ITK: variants seen among roughly 807,000 people sequenced by gnomAD.
The protein encoded by ITK is IL2 inducible T cell kinase, also known as tyrosine-protein kinase ITK/TSK.
Under a neutral mutation model 87.6 loss-of-function variants are expected in ITK, and 45 were observed. The observed-to-expected ratio is 0.51, with a 90% CI of 0.40 to 0.66. The LOEUF (loss-of-function observed/expected upper bound fraction) is 0.66. Among genes scored for constraint, ITK ranks in the 30% least tolerant of loss-of-function variants. The probability of loss-of-function intolerance (pLI) is 0.00; values close to 1 mark genes in which losing one functional copy is unlikely to be tolerated. For missense variants in ITK, 605 were observed against 766.3 expected (o/e 0.79, Z 2.48); for synonymous variants, 303 against 273.6 (o/e 1.11, Z -1.06).
At chr5:157,235,842 A>G (rs546101454) in intron 8 of ITK, among the ~76,000 whole-genome samples, 2 of 152,370 alleles carry the variant, frequency 1.3e-5, no homozygotes, top group East Asian at 3.9e-4. Context: ...GAAAGAAAGA[A>G]AAATACTCCT....
chr5:157,188,999 T>C (rs1030481904), intron 1 of ITK, among the ~76,000 whole-genome samples: 34 of 152,168 alleles, frequency 2.2e-4, no homozygotes, highest in African/African-American at 8.0e-4. Flanking sequence ...AGGTGATCAG[T>C]AAATATCCGG....
At chr5:157,197,136 T>C (rs183444159) in intron 1 of ITK, among the ~76,000 whole-genome samples, 92 of 152,314 alleles carry the variant, frequency 6.0e-4, no homozygotes, top group African/African-American at 2.0e-3. Flanking sequence ...ATAAGATAAA[T>C]ATACCCATAT....
At chr5:157,194,015 C>G (rs151180305) in intron 1 of ITK, among the ~76,000 whole-genome samples, 1 of 152,212 alleles carries the variant, frequency 6.6e-6, no homozygotes, top group East Asian at 1.9e-4. Context: ...AGCAATGGAG[C>G]TACGAGGACG....
In ITK at chr5:157,181,273, T is replaced by A. The variant is rs409602; in HGVS notation, c.138+158T>A. On this transcript the variant is annotated intron_variant, in intron 1 of 16. Coordinates refer to ENST00000422843, the MANE Select transcript of ITK (RefSeq NM_005546.4). ...TACAGTAAAAGTAATCAGAGGAGAA[T>A]GCAGAGAGCAGTCAAGAGGTGAAAT... Among the ~76,000 whole-genome samples the A allele has an allele frequency of 0.17, 26,139 of 152,192 alleles. 2,825 individuals are homozygous for A. The highest frequency in any genetic ancestry group is 0.3 in the African/African-American group (12,391 of 41,496).
chr5:157,185,258 A>G (rs978785154), intron 1 of ITK, among the ~76,000 whole-genome samples: 38 of 142,472 alleles, frequency 2.7e-4, no homozygotes, highest in African/African-American at 1.0e-3. Flanking sequence ...TTTTTTTTTT[A>G]GACAGAGTCT....
intron 3 of ITK, chr5:157,213,783 C>A (rs569524632): frequency 5.7e-6 from 2 of 349,160 alleles, no homozygotes; most frequent in African/African-American, 4.3e-5. Flanking sequence ...GGGAGAAAAC[C>A]AAAGTGGCTG....
intron 1 of ITK, 29 bp from the exon 2 acceptor site, chr5:157,208,860 A>G (rs1754129980): frequency 6.8e-7 from 1 of 1,461,976 alleles, no homozygotes; most frequent in Middle Eastern, 1.7e-4. Context: ...TCTTTCTTAC[A>G]TGAATGGGAT....
At chr5:157,182,810 T>G (rs1387297186) in intron 1 of ITK, among the ~76,000 whole-genome samples, 1 of 152,246 alleles carries the variant, frequency 6.6e-6, no homozygotes, top group Non-Finnish European at 1.5e-5. Flanking sequence ...TAATAATTCC[T>G]TAGCCCAACT....
Position 157,245,943 on chromosome 5 carries a change from C to A in ITK, c.1577C>A (p.Ser526Tyr), listed in dbSNP as rs756611419. The A allele has an allele frequency of 6.2e-7, 1 of 1,614,144 alleles. No homozygotes were observed. Among genetic ancestry groups the A allele is most frequent in the Non-Finnish European group, 8.5e-7 (1 of 1,179,994 alleles). ...ACCAAATTCCCGGTGAAGTGGGCAT[C>A]CCCAGAGGTTTTCTCTTTCAGTCGC... ...TGTKFPVKWASPEVFSFSRYS... is the reference protein window; with the variant it reads ...TGTKFPVKWAYPEVFSFSRYS... Residue 526 changes from serine to tyrosine, a missense_variant, in exon 15 of 17, where the codon TCC (serine) becomes TAC (tyrosine). By Grantham distance (144) the Ser-to-Tyr change is moderately radical. Around this residue, in one of 3 missense-constraint regions of ITK, gnomAD observed 70 missense variants for 122.5 expected, o/e 0.57. Transcript: ENST00000422843.
chr5:157,234,094 C>A (rs1384933911), intron 8 of ITK, among the ~76,000 whole-genome samples: 2 of 148,170 alleles, frequency 1.3e-5, no homozygotes, highest in African/African-American at 2.5e-5. Context: ...GATTCTCCTG[C>A]CTCAGCCTCC....
chr5:157,225,142 G>A (rs4704856), intron 6 of ITK, among the ~76,000 whole-genome samples: 6 of 151,692 alleles, frequency 4.0e-5, no homozygotes, highest in African/African-American at 9.7e-5. Flanking sequence ...CTATAGGCAC[G>A]CACCACCATG....
Position 157,217,954 on chromosome 5 carries a change from C to A in ITK, c.495+47C>A, listed in dbSNP as rs201890022. 3.0e-4 allele frequency: 461 copies of A among 1,528,652 alleles called. 3 individuals carry two copies. Among genetic ancestry groups the A allele is most frequent in the South Asian group, 4.6e-4 (41 of 89,440 alleles). 94.7% of individuals were successfully genotyped at this position (1,528,652 alleles called of 1,614,324 possible). Reference sequence around the variant, plus strand: ...GGGTGCAGGTGGGCCCACAGGCTACCTGATTGGCATGTTCCTATTTGCATG... The same window carrying A: ...GGGTGCAGGTGGGCCCACAGGCTACATGATTGGCATGTTCCTATTTGCATG... On this transcript the variant is annotated intron_variant, in intron 5 of 16. Coordinates refer to ENST00000422843, the MANE Select transcript of ITK (RefSeq NM_005546.4).
At chr5:157,204,888 T>A (rs889606922) in intron 1 of ITK, among the ~76,000 whole-genome samples, 4 of 152,200 alleles carry the variant, frequency 2.6e-5, no homozygotes, top group Non-Finnish European at 5.9e-5. Context: ...TTTGATAGGG[T>A]CTGCTTCTCG....
chr5:157,228,319 G>A lies in ITK; in HGVS notation c.671G>A (p.Ser224Asn). 6.2e-7 allele frequency: 1 copy of A among 1,606,270 alleles called. No homozygotes were observed. Among genetic ancestry groups the A allele is most frequent in the Non-Finnish European group, 8.5e-7 (1 of 1,173,036 alleles). Reference sequence around the variant, plus strand: ...AGGCATGAAGGATATGTACCAAGCAGTTATCTGGTGGAAAAATCTCCAAAT... The same window carrying A: ...AGGCATGAAGGATATGTACCAAGCAATTATCTGGTGGAAAAATCTCCAAAT... ...RNGHEGYVPS[S>N]YLVEKSPNNL... Residue 224 changes from serine (S) to asparagine (N), a missense_variant, in exon 7 of 17, where the codon AGT becomes AAT. By Grantham distance (46) the Ser-to-Asn change is conservative (BLOSUM62 1). This residue lies in a region of ITK where 464 missense variants were observed against 578.0 expected (regional missense o/e 0.80). Transcript: ENST00000422843.
chr5:157,237,347 A>G (rs1050547577), intron 8 of ITK, among the ~76,000 whole-genome samples: 1 of 152,222 alleles, frequency 6.6e-6, no homozygotes, highest in Non-Finnish European at 1.5e-5. Context: ...ACAGACATCA[A>G]GATAGTAACA....
chr5:157,205,735 G>A (rs1294566843), intron 1 of ITK, among the ~76,000 whole-genome samples: 5 of 152,198 alleles, frequency 3.3e-5, no homozygotes, highest in African/African-American at 1.2e-4. Flanking sequence ...GATGTTGGCT[G>A]TAGTTTGTCA....
At position 157,248,914 on chromosome 5, in the gene ITK, G is replaced by A; in HGVS notation, c.1698G>A (p.Glu566=). 1.2e-6 allele frequency: 2 copies of A among 1,613,956 alleles called. No homozygotes were observed. The highest frequency in any genetic ancestry group is 8.5e-7 in the Non-Finnish European group (1 of 1,179,856). The change falls in exon 16 of 17, where the codon GAG becomes GAA. Residue 566 remains glutamate (E), a synonymous_variant. Coordinates refer to ENST00000422843, the MANE Select transcript of ITK (RefSeq NM_005546.4). ...CGTATGAAAACCGAAGCAACTCAGA[G>A]GTGGTGGAAGACATCAGTACCGGAT... The part of the protein sequence containing the change: ...KIPYENRSNS[E]VVEDISTGFR...
At chr5:157,184,728 G>C (rs1291648984) in intron 1 of ITK, among the ~76,000 whole-genome samples, 2 of 152,186 alleles carry the variant, frequency 1.3e-5, no homozygotes, top group African/African-American at 2.4e-5. Context: ...TATTTCATGA[G>C]AAAAGTATGT....
chr5:157,225,070 C>T (rs1028010975), intron 6 of ITK, among the ~76,000 whole-genome samples: 1 of 152,132 alleles, frequency 6.6e-6, no homozygotes. Context: ...TCACAGTTCA[C>T]TGCAGCCTTG....
Sources: gnomAD v4.1 joint callset for allele counts (sites outside exome capture counted in the v4.1 genomes callset) on GRCh38, gnomAD v4.1.1 for gene constraint, gnomAD v4.1.1 regional missense constraint, MANE v1.5 for transcripts, NCBI Gene and HGNC (gene_info 2026-07-23, HGNC 2026-07-21) for gene names.